The following ERN1 variants were observed in gnomAD, a reference collection of about 807,000 sequenced individuals.
ERN1 encodes the protein serine/threonine-protein kinase/endoribonuclease IRE1.
A neutral mutation model predicts 113.1 loss-of-function variants in ERN1; 39 were observed. That is an observed-to-expected ratio of 0.34 (90% confidence interval 0.27 to 0.45). The LOEUF (loss-of-function observed/expected upper bound fraction) is 0.45, where lower values mean the gene tolerates loss of function less well. ERN1 is among the 20% of genes least tolerant of loss of function. ERN1 has a pLI of 1.00. For synonymous variants in ERN1, 507 were observed against 515.9 expected (o/e 0.98, Z 0.23); for missense variants, 976 against 1,274.8 (o/e 0.77, Z 3.57).
chr17:64,054,625 C>A lies in ERN1; in HGVS notation c.1763+113G>T, dbSNP rs1000404892. 1.0e-5 allele frequency: 10 copies of A among 996,002 alleles called. No homozygotes were observed. The highest frequency in any genetic ancestry group is 3.3e-5 in the African/African-American group (2 of 61,236). 61.7% of individuals were successfully genotyped at this position (996,002 alleles called of 1,614,324 possible). On this transcript the variant is annotated intron_variant, in intron 14 of 21. Transcript: ENST00000433197. This position sits in a 1 kb window ranked among gnomAD's most constrained non-coding sequence, Gnocchi z 4.9. ...AGCTCCCTGGAGGCCGGACTCCATG[C>A]GTCTAGGTCACTGCTTTGACCCTGC...
At position 64,053,399 on chromosome 17, in the gene ERN1, G is replaced by A. The variant is rs752583693; in HGVS notation, c.1954-28C>T. 109 of 1,540,512 alleles carry A rather than the reference G, an allele frequency of 7.1e-5. 1 individual carries two copies. The highest frequency in any genetic ancestry group is 1.6e-4 in the South Asian group (13 of 83,108). ...GCAAAAGACATGACAGCAAGGTCAC[G>A]GCACACAGTCCTCAGGACTTGGCCC... is the stretch of plus-strand genomic sequence containing the variant. On this transcript the variant is annotated intron_variant, in intron 15 of 21. Transcript: ENST00000433197.
intron 1 of ERN1, among the ~76,000 whole-genome samples, chr17:64,127,038 C>T (rs150881206): frequency 1.3e-5 from 2 of 152,252 alleles, no homozygotes. Context: ...CCCTAACCAA[C>T]TCTAGGAGCA....
At chr17:64,089,267 C>G (rs193019109) in intron 2 of ERN1, among the ~76,000 whole-genome samples, 1 of 137,028 alleles carries the variant, frequency 7.3e-6, no homozygotes, top group East Asian at 2.1e-4. Flanking sequence ...TGCAGTGAGC[C>G]GAGATCGTGC....
intron 4 of ERN1, among the ~76,000 whole-genome samples, chr17:64,077,895 G>A (rs1229628558): frequency 3.9e-5 from 6 of 152,020 alleles, no homozygotes; most frequent in South Asian, 2.1e-4. Context: ...ATAGGCGCCC[G>A]CCACCGCACC....
In ERN1 at chr17:64,057,608, T is replaced by C. The variant is rs187542922; in HGVS notation, c.1398+194A>G. On this transcript the variant is annotated intron_variant, in intron 12 of 21. Transcript: ENST00000433197. ...TGGTCTTGATCTCCTGACCTTGTGATCCACCCGCCTCGGCCTCCCAAAGTG... is the reference window on the plus strand; with the variant it reads ...TGGTCTTGATCTCCTGACCTTGTGACCCACCCGCCTCGGCCTCCCAAAGTG... Among the ~76,000 whole-genome samples, 593 of 152,284 alleles carry C rather than the reference T, an allele frequency of 3.9e-3. 8 individuals carry two copies. Among genetic ancestry groups the C allele is most frequent in the African/African-American group, 0.013 (557 of 41,554 alleles).
intron 6 of ERN1, among the ~76,000 whole-genome samples, chr17:64,069,628 A>G (rs776864814): frequency 7.9e-5 from 12 of 152,156 alleles, no homozygotes; most frequent in Admixed American, 2.0e-4. Context: ...CTAAGGCCCA[A>G]TGTGTGATAT....
intron 1 of ERN1, among the ~76,000 whole-genome samples, chr17:64,110,140 C>T (rs575714906): frequency 7.9e-5 from 12 of 152,158 alleles, no homozygotes; most frequent in Non-Finnish European, 1.6e-4. Context: ...TCAAAGGTCT[C>T]AGCTTTAACC....
intron 18 of ERN1, 50 bp from the exon 19 acceptor site, chr17:64,048,035 G>C (rs1300891722): frequency 6.6e-7 from 1 of 1,526,586 alleles, no homozygotes; most frequent in Non-Finnish European, 8.9e-7. Flanking sequence ...CAAAGCCACA[G>C]TGAAATACCA....
At chr17:64,079,502 G>GA (rs1232612264) in intron 4 of ERN1, among the ~76,000 whole-genome samples, 160 bp downstream of exon 4, 1 of 152,178 alleles carries the variant, frequency 6.6e-6, no homozygotes, top group African/African-American at 2.4e-5. Context: ...TCTCTGAAAA[G>GA]ACTGATGCCC....
At chr17:64,047,052 A>C (rs1266657958) in intron 19 of ERN1, among the ~76,000 whole-genome samples, 1 of 152,222 alleles carries the variant, frequency 6.6e-6, no homozygotes, top group Non-Finnish European at 1.5e-5. Flanking sequence ...ACAATATAAG[A>C]AAGCACTGAA....
intron 1 of ERN1, among the ~76,000 whole-genome samples, chr17:64,107,478 T>C (rs1043196417): frequency 1.3e-5 from 2 of 151,980 alleles, no homozygotes; most frequent in Non-Finnish European, 2.9e-5. Flanking sequence ...TGCACCACTA[T>C]GCCTGGCTTT....
At chr17:64,127,757 CAAAAAA>C (rs775462648) in intron 1 of ERN1, among the ~76,000 whole-genome samples, 17 of 88,004 alleles carry the variant, frequency 1.9e-4, no homozygotes, top group African/African-American at 6.2e-4. Flanking sequence ...AACTCCATAT[CAAAAAA>C]AAAAAAAAAA....
At chr17:64,076,154 C>G (rs1285213152) in intron 4 of ERN1, among the ~76,000 whole-genome samples, 1 of 152,194 alleles carries the variant, frequency 6.6e-6, no homozygotes, top group Non-Finnish European at 1.5e-5. Context: ...CAGCTGACAT[C>G]TGACGAGCTC....
In ERN1 at chr17:64,040,040, C is replaced by T. The variant is rs140180345; in HGVS notation, c.*3948G>A. On this transcript the variant is annotated 3_prime_UTR_variant, in exon 22 of 22. Coordinates refer to ENST00000433197, the MANE Select transcript of ERN1 (RefSeq NM_001433.5). ...TGTCCAACCTGGGAGGGTGGAATTT[C>T]GGCTCACCTGGAGAGGATGCCTGAT... is the stretch of plus-strand genomic sequence containing the variant. 1.6e-3 allele frequency: 240 copies of T among 152,282 alleles called. No individual in the cohort carries two copies. Among genetic ancestry groups the T allele is most frequent in the African/African-American group, 5.3e-3 (219 of 41,562 alleles). The allele number at this position is 152,282 out of a possible 1,614,324, so 9.4% of individuals were successfully genotyped here. A position where few individuals can be genotyped will look rare whatever the true frequency, so the allele number is the denominator to read the frequency against.
chr17:64,052,735 T>C (rs377229070), intron 17 of ERN1, 45 bp downstream of exon 17: 69 of 1,558,770 alleles, frequency 4.4e-5, no homozygotes, highest in Non-Finnish European at 5.8e-5. Context: ...GAAGATACAA[T>C]GGGCTGGTTC....
At chr17:64,078,437 T>C (rs1913664922) in intron 4 of ERN1, among the ~76,000 whole-genome samples, 1 of 152,228 alleles carries the variant, frequency 6.6e-6, no homozygotes, top group Non-Finnish European at 1.5e-5. Flanking sequence ...TTGTGGCCTC[T>C]TAATGAGGAA....
intron 2 of ERN1, among the ~76,000 whole-genome samples, chr17:64,082,821 G>C (rs962824667): frequency 2.0e-5 from 3 of 151,112 alleles, no homozygotes; most frequent in African/African-American, 7.4e-5. Flanking sequence ...AGATTCCCGG[G>C]ACAACTACAT....
intron 13 of ERN1, among the ~76,000 whole-genome samples, chr17:64,055,301 G>A (rs779361388): frequency 2.0e-5 from 3 of 152,216 alleles, no homozygotes; most frequent in Non-Finnish European, 4.4e-5. Flanking sequence ...CAGAATTGGG[G>A]CTCTGACAAC....
rs116599285 is a variant in ERN1 at position 64,063,168 on chromosome 17, C to T, written c.1087+818G>A. Reference sequence around the variant, plus strand: ...ACCGGCCCCTGGGTGCTCCAGCACCCGACTGACCTCCTGCCCTGCTCTGCC... The same window carrying T: ...ACCGGCCCCTGGGTGCTCCAGCACCTGACTGACCTCCTGCCCTGCTCTGCC... On this transcript the variant is annotated intron_variant, in intron 10 of 21. Transcript: ENST00000433197. The surrounding 1 kb of genome is among the most constrained non-coding windows in gnomAD (Gnocchi z 5.1). Among the ~76,000 whole-genome samples the T allele has an allele frequency of 8.7e-3, 1,320 of 152,352 alleles. 24 individuals carry two copies. Among genetic ancestry groups the T allele is most frequent in the African/African-American group, 0.031 (1,268 of 41,572 alleles).
Sources: allele counts gnomAD v4.1 joint callset (sites outside exome capture counted in the v4.1 genomes callset), GRCh38; gene constraint gnomAD v4.1.1; non-coding constraint Gnocchi (gnomAD v3.1); transcripts MANE v1.5; gene names NCBI Gene and HGNC (gene_info 2026-07-23, HGNC 2026-07-21).